The following SCNN1G variants were observed in gnomAD, a reference collection of about 807,000 sequenced individuals.
SCNN1G encodes the protein epithelial sodium channel subunit gamma.
Under a neutral mutation model 64.6 loss-of-function variants are expected in SCNN1G, and 27 were observed. The ratio of observed to expected loss-of-function variants is 0.42; its 90% CI spans 0.31 to 0.58. The LOEUF (loss-of-function observed/expected upper bound fraction) is 0.58. SCNN1G is among the 20% of genes least tolerant of loss of function. The probability of loss-of-function intolerance (pLI) is 0.18; values close to 1 mark genes in which losing one functional copy is unlikely to be tolerated. For missense variants in SCNN1G, 743 were observed against 823.4 expected (o/e 0.90, Z 1.19); for synonymous variants, 330 against 314.2 (o/e 1.05, Z -0.53).
chr16:23,195,643 A>T (rs1310872865), intron 5 of SCNN1G, among the ~76,000 whole-genome samples: 1 of 152,232 alleles, frequency 6.6e-6, no homozygotes, highest in African/African-American at 2.4e-5. Context: ...AAAGTTGCAG[A>T]GTACTGGCTC....
chr16:23,186,641 G>T, intron 2 of SCNN1G, 53 bp downstream of exon 2: 1 of 1,495,592 alleles, frequency 6.7e-7, no homozygotes. Context: ...CCCCACAGAG[G>T]CCAAAGCCCC....
At chr16:23,211,214 C>T (rs1393025120) in intron 7 of SCNN1G, among the ~76,000 whole-genome samples, 2 of 152,150 alleles carry the variant, frequency 1.3e-5, no homozygotes, top group African/African-American at 4.8e-5. Context: ...TGCATGATGC[C>T]AAACAGCAGA....
chr16:23,214,405 A>G (rs1379298182), intron 11 of SCNN1G, among the ~76,000 whole-genome samples: 1 of 152,226 alleles, frequency 6.6e-6, no homozygotes, highest in East Asian at 1.9e-4. Flanking sequence ...TGAGATTGCA[A>G]TCAATCAATT....
intron 2 of SCNN1G, among the ~76,000 whole-genome samples, chr16:23,188,873 A>G (rs1959657054): frequency 6.6e-6 from 1 of 152,092 alleles, no homozygotes; most frequent in Admixed American, 6.5e-5. Flanking sequence ...ACTCCTTTAT[A>G]ACTATTTTGT....
chr16:23,199,663 C>CTT (rs67132706), intron 6 of SCNN1G, among the ~76,000 whole-genome samples: 28 of 59,642 alleles, frequency 4.7e-4, no homozygotes, highest in South Asian at 7.6e-4. Flanking sequence ...CTTTTCTTTT[C>CTT]TTTTTTTTTT....
At chr16:23,204,352 G>T (rs1160914074) in intron 6 of SCNN1G, among the ~76,000 whole-genome samples, 1 of 124,550 alleles carries the variant, frequency 8.0e-6, no homozygotes, top group Non-Finnish European at 1.7e-5. Context: ...GAGAGAGAGA[G>T]AGAGAGAGAG....
chr16:23,189,899 C>T (rs1190642540), intron 3 of SCNN1G, among the ~76,000 whole-genome samples: 1 of 152,100 alleles, frequency 6.6e-6, no homozygotes, highest in Non-Finnish European at 1.5e-5. Flanking sequence ...TGGTAAAACC[C>T]ATCTCCACTA....
intron 3 of SCNN1G, among the ~76,000 whole-genome samples, chr16:23,191,065 G>T (rs112397469): frequency 1.3e-5 from 2 of 151,886 alleles, no homozygotes; most frequent in Non-Finnish European, 2.9e-5. Context: ...GGCTGGTCTC[G>T]AACCCTCGAC....
intron 6 of SCNN1G, among the ~76,000 whole-genome samples, chr16:23,201,002 G>A (rs1398276940): frequency 6.6e-6 from 1 of 152,206 alleles, no homozygotes; most frequent in Non-Finnish European, 1.5e-5. Flanking sequence ...AGCATGGGAG[G>A]GAAGTAATGT....
chr16:23,214,947 A>C (rs1394468539), intron 12 of SCNN1G, 142 bp from the exon 13 acceptor site: 2 of 1,160,188 alleles, frequency 1.7e-6, no homozygotes, highest in Non-Finnish European at 2.5e-6. Flanking sequence ...GAGTAAGAGG[A>C]AACAGGAAGG....
intron 6 of SCNN1G, among the ~76,000 whole-genome samples, chr16:23,203,296 C>T (rs937805036): frequency 1.3e-5 from 2 of 152,072 alleles, no homozygotes; most frequent in East Asian, 1.9e-4. Context: ...TGCAGTGGGT[C>T]GAATGGTGAA....
rs544041351 is a variant in SCNN1G, at chr16:23,210,049, C to T, written c.1176+201C>T. Among the ~76,000 whole-genome samples, 24 of 152,312 alleles carry T rather than the reference C, an allele frequency of 1.6e-4. 1 individual carries two copies. In the South Asian group the frequency reaches 2.5e-3, roughly 16 times the overall value. On this transcript the variant is annotated intron_variant, in intron 7 of 12. Coordinates refer to ENST00000300061, the MANE Select transcript of SCNN1G (RefSeq NM_001039.4). Reference sequence around the variant, plus strand: ...TGTAACCAGAGCTTAATTGATACACCGAGGTTTCTGTGGAACTCAATGTAC... The same window carrying T: ...TGTAACCAGAGCTTAATTGATACACTGAGGTTTCTGTGGAACTCAATGTAC...
At chr16:23,211,696 C>A (rs1040409039) in intron 7 of SCNN1G, among the ~76,000 whole-genome samples, 2 of 152,134 alleles carry the variant, frequency 1.3e-5, no homozygotes, top group Admixed American at 6.5e-5. Flanking sequence ...TCTGTAATCG[C>A]AGCTACTTGG....
intron 6 of SCNN1G, among the ~76,000 whole-genome samples, chr16:23,204,344 G>GAGAGAGAGAT (rs1555474966): frequency 2.7e-5 from 3 of 110,818 alleles, no homozygotes; most frequent in Non-Finnish European, 5.8e-5. Flanking sequence ...TAGAGAGAGA[G>GAGAGAGAGAT]AGAGAGAGAG....
chr16:23,209,765 C>A lies in SCNN1G; in HGVS notation c.1093C>A (p.Leu365Met). 1.9e-6 allele frequency: 3 copies of A among 1,613,668 alleles called. No individual in the cohort carries two copies. Among genetic ancestry groups the A allele is most frequent in the African/African-American group, 1.3e-5 (1 of 75,044 alleles). ...IGMHLTESFK[L>M]SEPYSQCTED... ...GTGATTGCAGACAGAGTCCTTCAAGCTGAGTGAGCCCTACAGTCAGTGCAC... is the reference window on the plus strand; with the variant it reads ...GTGATTGCAGACAGAGTCCTTCAAGATGAGTGAGCCCTACAGTCAGTGCAC... The change falls in exon 7 of 13, where the codon CTG (leucine) becomes ATG (methionine). Residue 365 changes from leucine (L) to methionine (M), a missense_variant. Physicochemically the swap from Leu to Met is conservative, Grantham distance 15. Coordinates refer to ENST00000300061, the MANE Select transcript of SCNN1G (RefSeq NM_001039.4).
At chr16:23,186,134 G>A (rs1411047610) in intron 1 of SCNN1G, 94 bp from the exon 2 acceptor site, 3 of 776,338 alleles carry the variant, frequency 3.9e-6, no homozygotes, top group African/African-American at 1.7e-5. Context: ...CTCTAAGGGC[G>A]CATGGACTGG....
At chr16:23,195,963 A>G (rs1264649658) in intron 5 of SCNN1G, 1 of 152,222 alleles carries the variant, frequency 6.6e-6, no homozygotes, top group Non-Finnish European at 1.5e-5. Flanking sequence ...GCCCTCTTCT[A>G]CGTACCAGGG....
intron 4 of SCNN1G, among the ~76,000 whole-genome samples, chr16:23,192,805 C>T (rs140488291): frequency 1.2e-4 from 19 of 152,030 alleles, no homozygotes; most frequent in African/African-American, 4.3e-4. Flanking sequence ...TGGTGGTTCA[C>T]GCCTCTAAAT....
In SCNN1G at chr16:23,211,945, G is replaced by A. The variant is rs184199358; in HGVS notation, c.1177-89G>A. 614 of 972,378 alleles carry A rather than the reference G, an allele frequency of 6.3e-4. 6 individuals carry two copies. The East Asian group carries it at 0.013, about 21-fold the overall frequency. The allele number at this position is 972,378 out of a possible 1,614,324, so 60.2% of individuals were successfully genotyped here. A position where few individuals can be genotyped will look rare whatever the true frequency, so the allele number is the denominator to read the frequency against. ...ATGTGGTTGGCCAAGGTTAAGGGAGGCTGACCCCCTGGGCTGAGGGATGTG... is the reference window on the plus strand; with the variant it reads ...ATGTGGTTGGCCAAGGTTAAGGGAGACTGACCCCCTGGGCTGAGGGATGTG... On this transcript the variant is annotated intron_variant, in intron 7 of 12. Coordinates refer to ENST00000300061, the MANE Select transcript of SCNN1G (RefSeq NM_001039.4).
Sources: gnomAD v4.1 joint callset for allele counts (sites outside exome capture counted in the v4.1 genomes callset) on GRCh38, gnomAD v4.1.1 for gene constraint, MANE v1.5 for transcripts, NCBI Gene and HGNC (gene_info 2026-07-23, HGNC 2026-07-21) for gene names.